Variants in XRN2 observed in about 807,000 individuals in gnomAD.
The protein encoded by XRN2 is 5'-3' exoribonuclease 2.
In XRN2, 44 loss-of-function variants were observed where a neutral mutation model predicts 138.5. That is an observed-to-expected ratio of 0.32 (90% confidence interval 0.25 to 0.41). XRN2 has a LOEUF of 0.41. XRN2 is among the 10% of genes least tolerant of loss of function. The probability of loss-of-function intolerance (pLI) is 1.00; values close to 1 mark genes in which losing one functional copy is unlikely to be tolerated. For missense variants in XRN2, 937 were observed against 1,169.3 expected (o/e 0.80, Z 2.90); for synonymous variants, 354 against 369.4 (o/e 0.96, Z 0.48).
intron 27 of XRN2, among the ~76,000 whole-genome samples, chr20:21,378,183 G>A (rs2038846703): frequency 6.6e-6 from 1 of 152,158 alleles, no homozygotes; most frequent in Non-Finnish European, 1.5e-5. Flanking sequence ...CAACTAAAAT[G>A]TGTGTTATTT....
At chr20:21,326,648 G>A (rs1317018634) in intron 3 of XRN2, 47 bp downstream of exon 3, 2 of 1,426,076 alleles carry the variant, frequency 1.4e-6, no homozygotes, top group Admixed American at 2.1e-5. Flanking sequence ...TTTTTTTGCT[G>A]TGTTACCAGT....
chr20:21,373,172 GC>G (rs1362682672), intron 27 of XRN2, among the ~76,000 whole-genome samples: 2 of 152,018 alleles, frequency 1.3e-5, no homozygotes, highest in African/African-American at 4.8e-5. Flanking sequence ...ACCACACCTG[GC>G]TAATTTTTGT....
intron 1 of XRN2, among the ~76,000 whole-genome samples, chr20:21,313,563 A>G (rs1414915909): frequency 6.6e-6 from 1 of 152,264 alleles, no homozygotes; most frequent in Non-Finnish European, 1.5e-5. Context: ...ATCCTGTTAC[A>G]GAAGCATTTG....
At chr20:21,321,256 G>A (rs140001570) in intron 1 of XRN2, among the ~76,000 whole-genome samples, 1 of 150,762 alleles carries the variant, frequency 6.6e-6, no homozygotes, top group East Asian at 2.0e-4. Context: ...CTCTGTCTCG[G>A]TGTCCCGAAT....
chr20:21,354,405 A>G (rs1222339494), intron 20 of XRN2, among the ~76,000 whole-genome samples: 1 of 152,220 alleles, frequency 6.6e-6, no homozygotes, highest in African/African-American at 2.4e-5. Flanking sequence ...TAGAAAGAAG[A>G]AAGGACACAC....
chr20:21,381,890 T>C, intron 27 of XRN2, 104 bp from the exon 28 acceptor site: 1 of 908,052 alleles, frequency 1.1e-6, no homozygotes, highest in Non-Finnish European at 1.6e-6. Context: ...TGGTTTACAG[T>C]CTTTCTCAGA....
chr20:21,386,949 G>A lies in XRN2; in HGVS notation c.2730G>A (p.Gln910=). 6 of 1,614,050 alleles carry A rather than the reference G, an allele frequency of 3.7e-6. No homozygotes were observed. The highest frequency in any genetic ancestry group is 5.1e-6 in the Non-Finnish European group (6 of 1,179,874). Residue 910 remains glutamine, a synonymous_variant, in exon 29 of 30, where the codon CAG becomes CAA. Transcript: ENST00000377191. The part of the protein sequence containing the change: ...QNAAFQPNQY[Q]MLAGPGGYPP... Reference sequence around the variant, plus strand: ...CAGCCTTCCAGCCAAACCAGTACCAGATGCTAGCTGGGCCTGGTGGGTATC... The same window carrying A: ...CAGCCTTCCAGCCAAACCAGTACCAAATGCTAGCTGGGCCTGGTGGGTATC...
intron 24 of XRN2, among the ~76,000 whole-genome samples, chr20:21,365,219 T>G (rs1320380218): frequency 6.6e-6 from 1 of 152,198 alleles, no homozygotes; most frequent in Non-Finnish European, 1.5e-5. Flanking sequence ...ACATAACTTT[T>G]CCCTCAGAGA....
chr20:21,389,171 A>G, intron 29 of XRN2, 102 bp from the exon 30 acceptor site: 1 of 1,030,550 alleles, frequency 9.7e-7, no homozygotes, highest in Non-Finnish European at 1.4e-6. Flanking sequence ...TTTAACACAT[A>G]CTCAGTTTCC....
chr20:21,389,205 G>A (rs983901433), intron 29 of XRN2, 68 bp from the exon 30 acceptor site: 5 of 1,425,914 alleles, frequency 3.5e-6, no homozygotes, highest in South Asian at 2.5e-5. Context: ...TTCCATAGAG[G>A]TTTAAAGTTA....
At chr20:21,321,927 C>T (rs1546997) in intron 1 of XRN2, among the ~76,000 whole-genome samples, 103,146 of 152,046 alleles carry the variant, frequency 0.68, 35,711 homozygotes, top group South Asian at 0.84. Flanking sequence ...TCTGTAGTAC[C>T]TGATATAGAC....
At chr20:21,341,112 G>C (rs539454472) in intron 15 of XRN2, among the ~76,000 whole-genome samples, 1 of 152,298 alleles carries the variant, frequency 6.6e-6, no homozygotes, top group South Asian at 2.1e-4. Context: ...GTGACAGCGT[G>C]AGACCCTGTC....
At chr20:21,352,756 A>G (rs566824056) in intron 20 of XRN2, among the ~76,000 whole-genome samples, 1 of 152,338 alleles carries the variant, frequency 6.6e-6, no homozygotes, top group East Asian at 1.9e-4. Flanking sequence ...AATTCCATCA[A>G]GTCACACAGT....
At chr20:21,363,709 A>G (rs1302886605) in intron 24 of XRN2, among the ~76,000 whole-genome samples, 1 of 152,246 alleles carries the variant, frequency 6.6e-6, no homozygotes, top group South Asian at 2.1e-4. Context: ...GGCAGTATTC[A>G]GAAAGAAAAC....
At chr20:21,331,407 A>G (rs941564119) in intron 6 of XRN2, among the ~76,000 whole-genome samples, 154 bp from the exon 7 acceptor site, 2 of 149,992 alleles carry the variant, frequency 1.3e-5, no homozygotes, top group Non-Finnish European at 3.0e-5. Flanking sequence ...TTTCACACAC[A>G]CACACACACA....
chr20:21,336,351 G>A (rs2038293162), intron 13 of XRN2, among the ~76,000 whole-genome samples: 1 of 152,026 alleles, frequency 6.6e-6, no homozygotes, highest in East Asian at 1.9e-4. Flanking sequence ...AATCCCAGCC[G>A]CTTGGGAGGC....
At chr20:21,365,522 T>C (rs2038682778) in intron 25 of XRN2, 33 bp downstream of exon 25, 1 of 1,613,696 alleles carries the variant, frequency 6.2e-7, no homozygotes, top group Non-Finnish European at 8.5e-7. Context: ...ATTTATTTTG[T>C]ACAAATGGTT....
intron 1 of XRN2, among the ~76,000 whole-genome samples, chr20:21,315,769 A>G (rs573768978): frequency 2.0e-5 from 3 of 152,320 alleles, no homozygotes; most frequent in South Asian, 2.1e-4. Context: ...AAGTGTTGGG[A>G]TTACAGGCGT....
chr20:21,328,464 G>A (rs774207073), intron 3 of XRN2, 95 bp from the exon 4 acceptor site: 20 of 1,172,078 alleles, frequency 1.7e-5, no homozygotes, highest in Admixed American at 4.5e-5. Flanking sequence ...CCATTTTAGT[G>A]TACTGCTTTT....
Sources: gnomAD v4.1 joint callset for allele counts (sites outside exome capture counted in the v4.1 genomes callset) on GRCh38, gnomAD v4.1.1 for gene constraint, MANE v1.5 for transcripts, NCBI Gene and HGNC (gene_info 2026-07-23, HGNC 2026-07-21) for gene names.